CCDC7: variants seen among roughly 807,000 people sequenced by gnomAD.
CCDC7 encodes the protein coiled-coil domain-containing protein 7.
A neutral mutation model predicts 196.9 loss-of-function variants in CCDC7; 183 were observed. The observed-to-expected ratio is 0.93, with a 90% CI of 0.82 to 1.05. CCDC7 has a LOEUF of 1.05. Among genes scored for constraint, CCDC7 ranks in the 50% least tolerant of loss-of-function variants. CCDC7 has a pLI of 0.00. For synonymous variants in CCDC7, 525 were observed against 484.6 expected (o/e 1.08, Z -1.10); for missense variants, 1,540 against 1,482.2 (o/e 1.04, Z -0.64).
At chr10:32,581,836 G>A (rs944744231) in intron 16 of CCDC7, among the ~76,000 whole-genome samples, 1 of 151,844 alleles carries the variant, frequency 6.6e-6, no homozygotes, top group Non-Finnish European at 1.5e-5. Flanking sequence ...TCTATTTTTA[G>A]CTATGTGATA....
At chr10:32,562,342 C>G (rs532692754) in intron 13 of CCDC7, among the ~76,000 whole-genome samples, 101 of 152,228 alleles carry the variant, frequency 6.6e-4, no homozygotes, top group African/African-American at 2.3e-3. Flanking sequence ...GGCAGAGACA[C>G]AACCAAAAAA....
intron 31 of CCDC7, among the ~76,000 whole-genome samples, chr10:32,822,404 G>A (rs1030315729): frequency 6.6e-6 from 1 of 152,014 alleles, no homozygotes; most frequent in African/African-American, 2.4e-5. Context: ...AAATAACACT[G>A]GATGATAAAT....
chr10:32,492,789 A>G (rs1564444986), intron 9 of CCDC7, among the ~76,000 whole-genome samples: 1 of 152,152 alleles, frequency 6.6e-6, no homozygotes, highest in South Asian at 2.1e-4. Context: ...GTTACGTAAC[A>G]CTGCTGAACT....
intron 16 of CCDC7, 24 bp downstream of exon 17, chr10:32,571,917 T>C (rs2057611646): frequency 6.4e-7 from 1 of 1,563,696 alleles, no homozygotes; most frequent in Non-Finnish European, 8.6e-7. Context: ...TAAAAATTTG[T>C]TCCCTCATTT....
At chr10:32,849,384 A>G (rs2093445199) in intron 39 of CCDC7, among the ~76,000 whole-genome samples, 1 of 152,006 alleles carries the variant, frequency 6.6e-6, no homozygotes, top group South Asian at 2.1e-4. Flanking sequence ...CCATTCAGTA[A>G]ATAGAAACTT....
intron 30 of CCDC7, among the ~76,000 whole-genome samples, chr10:32,806,364 A>T (rs1464957452): frequency 6.6e-6 from 1 of 152,224 alleles, no homozygotes; most frequent in Non-Finnish European, 1.5e-5. Flanking sequence ...TGACCCATAC[A>T]CAGAAGAAGA....
intron 30 of CCDC7, among the ~76,000 whole-genome samples, chr10:32,812,451 C>T (rs1335304354): frequency 6.6e-6 from 1 of 151,850 alleles, no homozygotes; most frequent in Non-Finnish European, 1.5e-5. Flanking sequence ...ATAACAATAG[C>T]ACAAAAATGG....
intron 18 of CCDC7, among the ~76,000 whole-genome samples, chr10:32,587,695 T>C (rs758925536): frequency 1.3e-5 from 2 of 152,228 alleles, no homozygotes; most frequent in Non-Finnish European, 2.9e-5. Context: ...ATATGAATCA[T>C]CTGTGAATAA....
In CCDC7 at chr10:32,861,533, C is replaced by A. The variant is rs574777755; in HGVS notation, c.4111+7044C>A. ...ATGGGTAAAGACTTCATGACTAAAA[C>A]ACCAAAAGCAATTGCAATAAAAGCC... On this transcript the variant is annotated intron_variant, in intron 41 of 41. Transcript: ENST00000639629. Among the ~76,000 whole-genome samples the A allele has an allele frequency of 9.3e-4, 142 of 152,258 alleles. 1 individual carries two copies. The highest frequency in any genetic ancestry group is 1.8e-3 in the Non-Finnish European group (124 of 68,022).
At chr10:32,689,936 T>A (rs1314937918) in intron 23 of CCDC7, among the ~76,000 whole-genome samples, 2 of 152,150 alleles carry the variant, frequency 1.3e-5, no homozygotes, top group Non-Finnish European at 2.9e-5. Context: ...AGTTTCACCA[T>A]GTTGGCCAGG....
chr10:32,785,532 G>A (rs990567137), intron 29 of CCDC7, among the ~76,000 whole-genome samples: 1 of 151,938 alleles, frequency 6.6e-6, no homozygotes, highest in Non-Finnish European at 1.5e-5. Context: ...AGGATTATAA[G>A]TTCATAGCAA....
At chr10:32,661,158 G>A (rs374663181) in intron 20 of CCDC7, among the ~76,000 whole-genome samples, 141 of 151,604 alleles carry the variant, frequency 9.3e-4, no homozygotes, top group Middle Eastern at 3.4e-3. Context: ...AAAAGTGGGC[G>A]AAGGACATGA....
intron 28 of CCDC7, among the ~76,000 whole-genome samples, chr10:32,777,673 A>G (rs575159155): frequency 6.6e-6 from 1 of 152,132 alleles, no homozygotes; most frequent in East Asian, 1.9e-4. Context: ...CCAGGCCAAC[A>G]TGGTGAAACC....
At chr10:32,491,898 C>T (rs751685944) in intron 8 of CCDC7, 24 bp from the exon 10 acceptor site, 3 of 1,534,008 alleles carry the variant, frequency 2.0e-6, no homozygotes, top group Non-Finnish European at 1.7e-6. Context: ...AAACCTTTAA[C>T]ATTTTTGACT....
intron 25 of CCDC7, among the ~76,000 whole-genome samples, chr10:32,724,745 C>T (rs568475016): frequency 3.9e-5 from 6 of 152,062 alleles, no homozygotes; most frequent in Non-Finnish European, 7.4e-5. Context: ...GTACCTTAGT[C>T]GAGCTCTCTA....
chr10:32,646,466 A>C (rs1248462480), intron 20 of CCDC7, among the ~76,000 whole-genome samples: 1 of 152,184 alleles, frequency 6.6e-6, no homozygotes, highest in Non-Finnish European at 1.5e-5. Context: ...AGAATCTTCC[A>C]TGTGCTATGG....
In CCDC7 at chr10:32,591,491, T is replaced by G. The variant is rs139991236; in HGVS notation, c.1801+7187T>G. On this transcript the variant is annotated intron_variant, in intron 18 of 41. Transcript: ENST00000639629. The stretch of plus-strand genomic sequence containing the variant: ...AATTTAAGAGTTTTTGTTAGTTTCC[T>G]TTTTGCTTGTTTTTTTGTTTGTTTG... 4.4e-3 allele frequency among the ~76,000 whole-genome samples: 653 copies of G among 149,482 alleles called. 13 individuals are homozygous for G. Among genetic ancestry groups the G allele is most frequent in the African/African-American group, 0.015 (631 of 41,088 alleles).
chr10:32,727,388 A>C (rs995481072), intron 26 of CCDC7, among the ~76,000 whole-genome samples: 2 of 152,110 alleles, frequency 1.3e-5, no homozygotes, highest in African/African-American at 4.8e-5. Flanking sequence ...GTGGTGGGGA[A>C]TGTTAAAGTG....
At chr10:32,858,621 T>A (rs1218892195) in intron 41 of CCDC7, among the ~76,000 whole-genome samples, 3 of 152,128 alleles carry the variant, frequency 2.0e-5, no homozygotes, top group Non-Finnish European at 2.9e-5. Flanking sequence ...TTGACAAAGT[T>A]CAGCATTCTT....
Sources: gnomAD v4.1 joint callset for allele counts (sites outside exome capture counted in the v4.1 genomes callset) on GRCh38, gnomAD v4.1.1 for gene constraint, MANE v1.5 for transcripts, NCBI Gene and HGNC (gene_info 2026-07-23, HGNC 2026-07-21) for gene names.